ITPR2: variants seen among roughly 807,000 people sequenced by gnomAD.
ITPR2 encodes inositol 1,4,5-trisphosphate-gated calcium channel ITPR2.
ITPR2 carries 207 observed loss-of-function variants against 317.1 expected under a neutral mutation model. The ratio of observed to expected loss-of-function variants is 0.65; its 90% confidence interval spans 0.58 to 0.73. ITPR2 has a LOEUF of 0.73. Ranked by LOEUF, ITPR2 falls within the 30% of genes least tolerant of loss-of-function variation. The pLI is 0.00. For synonymous variants in ITPR2, 1,156 were observed against 1,149.1 expected (o/e 1.01, Z -0.12); for missense variants, 2,613 against 3,284.0 (o/e 0.80, Z 4.99).
intron 48 of ITPR2, among the ~76,000 whole-genome samples, chr12:26,435,521 A>G (rs138875727): frequency 3.9e-5 from 6 of 152,190 alleles, no homozygotes; most frequent in Non-Finnish European, 7.4e-5. Flanking sequence ...CCAAGCCTGT[A>G]ACATACTTCC....
chr12:26,707,395 A>C (rs1467446672), intron 9 of ITPR2, among the ~76,000 whole-genome samples: 1 of 152,214 alleles, frequency 6.6e-6, no homozygotes, highest in Admixed American at 6.5e-5. Context: ...TGTGCCATGG[A>C]GCCTCTATCG....
At chr12:26,648,681 T>C (rs1223866988) in intron 21 of ITPR2, 1 of 152,182 alleles carries the variant, frequency 6.6e-6, no homozygotes, top group Admixed American at 6.5e-5. Flanking sequence ...ATACAGAGTA[T>C]TGTAATGTGG....
chr12:26,765,896 T>C (rs966243604), intron 2 of ITPR2, among the ~76,000 whole-genome samples: 1 of 152,192 alleles, frequency 6.6e-6, no homozygotes, highest in Non-Finnish European at 1.5e-5. Context: ...TCATGCAATA[T>C]GTAGCATTTT....
chr12:26,400,113 T>C lies in ITPR2; in HGVS notation c.7530+15A>G. 3 of 1,586,740 alleles carry C rather than the reference T, an allele frequency of 1.9e-6. No homozygotes were observed. The highest frequency in any genetic ancestry group is 2.6e-6 in the Non-Finnish European group (3 of 1,168,670). Reference sequence around the variant, plus strand: ...AAGATGTGCTCCTTGAAAAAATACTTTTACTCTGGCTTACATCTTTCGATG... The same window carrying C: ...AAGATGTGCTCCTTGAAAAAATACTCTTACTCTGGCTTACATCTTTCGATG... On this transcript the variant is annotated intron_variant, in intron 53 of 56. Coordinates refer to ENST00000381340, the MANE Select transcript of ITPR2 (RefSeq NM_002223.4).
chr12:26,389,609 T>C (rs1939772719), intron 54 of ITPR2, among the ~76,000 whole-genome samples: 1 of 152,144 alleles, frequency 6.6e-6, no homozygotes, highest in African/African-American at 2.4e-5. Flanking sequence ...CCTTCAAATT[T>C]TTGCTGAAAT....
At chr12:26,585,365 G>A (rs760033079) in intron 32 of ITPR2, among the ~76,000 whole-genome samples, 9 of 152,088 alleles carry the variant, frequency 5.9e-5, no homozygotes, top group Admixed American at 3.3e-4. Context: ...TTATTTAACC[G>A]TTTGTCAAAT....
intron 45 of ITPR2, among the ~76,000 whole-genome samples, chr12:26,466,698 C>T (rs4964000): frequency 0.71 from 108,742 of 152,094 alleles, 39,995 homozygotes; most frequent in Non-Finnish European, 0.8. Flanking sequence ...ACAGCCATCA[C>T]ATTTTTATAG....
At chr12:26,640,435 CAT>C (rs1480620280) in intron 21 of ITPR2, among the ~76,000 whole-genome samples, 1 of 151,870 alleles carries the variant, frequency 6.6e-6, no homozygotes, top group Non-Finnish European at 1.5e-5. Context: ...TTGATTCAAA[CAT>C]ATTTGTATAA....
At chr12:26,720,195 T>G (rs916759350) in intron 5 of ITPR2, among the ~76,000 whole-genome samples, 2 of 152,216 alleles carry the variant, frequency 1.3e-5, no homozygotes, top group African/African-American at 4.8e-5. Context: ...TATTACCTTT[T>G]GAAGATAGGG....
chr12:26,516,285 GGGAAAGGAAA>G (rs1230277194), intron 37 of ITPR2, among the ~76,000 whole-genome samples: 1,262 of 42,686 alleles, frequency 0.03, 49 homozygotes, highest in Admixed American at 0.06. Context: ...GGGAAGGGAA[GGGAAAGGAAA>G]GGAAAGGAAA....
intron 9 of ITPR2, among the ~76,000 whole-genome samples, chr12:26,706,736 C>G (rs949513080): frequency 1.3e-5 from 2 of 152,128 alleles, no homozygotes; most frequent in African/African-American, 4.8e-5. Context: ...TCAGTCCCAG[C>G]CTCGAGGTAG....
At chr12:26,698,183 G>T (rs1948385424) in intron 9 of ITPR2, among the ~76,000 whole-genome samples, 1 of 152,134 alleles carries the variant, frequency 6.6e-6, no homozygotes, top group African/African-American at 2.4e-5. Flanking sequence ...TGTATGCAGA[G>T]GTTACTCTAT....
chr12:26,532,177 T>C (rs1943962313), intron 37 of ITPR2, among the ~76,000 whole-genome samples: 1 of 152,212 alleles, frequency 6.6e-6, no homozygotes, highest in South Asian at 2.1e-4. Context: ...GAGGCTTGGC[T>C]ATATCACGAG....
intron 34 of ITPR2, among the ~76,000 whole-genome samples, chr12:26,562,882 GT>G (rs1218175058): frequency 6.6e-6 from 1 of 150,632 alleles, no homozygotes; most frequent in African/African-American, 2.4e-5. Flanking sequence ...AAACCTGCAC[GT>G]TGTGCACATG....
chr12:26,507,857 C>CTCTGTG (rs1326140162), intron 37 of ITPR2, among the ~76,000 whole-genome samples: 17 of 88,250 alleles, frequency 1.9e-4, no homozygotes, highest in African/African-American at 5.4e-4. Context: ...TCTTCTCTCT[C>CTCTGTG]TGTCTCTGTG....
chr12:26,819,641 G>T (rs1187194848), intron 1 of ITPR2, among the ~76,000 whole-genome samples: 1 of 151,868 alleles, frequency 6.6e-6, no homozygotes, highest in African/African-American at 2.4e-5. Flanking sequence ...AAGAGAAAAG[G>T]CCCACCTAAA....
At chr12:26,470,740 A>G (rs1942275238) in intron 45 of ITPR2, among the ~76,000 whole-genome samples, 1 of 152,168 alleles carries the variant, frequency 6.6e-6, no homozygotes, top group South Asian at 2.1e-4. Flanking sequence ...GTGGAAAACA[A>G]TTTTACAATA....
chr12:26,827,391 C>T lies in ITPR2; in HGVS notation c.92+5299G>A, dbSNP rs116727422. On this transcript the variant is annotated intron_variant, in intron 1 of 56. Coordinates refer to ENST00000381340, the MANE Select transcript of ITPR2 (RefSeq NM_002223.4). ...TAATGGGGAAAAAAAGGAGAAATGC[C>T]AATCTTTGCAACTAGGGCATTCAAA... 3.8e-3 allele frequency among the ~76,000 whole-genome samples: 577 copies of T among 152,182 alleles called. 4 individuals carry two copies. Among genetic ancestry groups the T allele is most frequent in the African/African-American group, 0.013 (538 of 41,526 alleles).
chr12:26,758,693 C>T (rs890625868), intron 2 of ITPR2, among the ~76,000 whole-genome samples: 1 of 152,188 alleles, frequency 6.6e-6, no homozygotes, highest in African/African-American at 2.4e-5. Context: ...TGTCCATCTC[C>T]AGCAAGGCTG....
Sources: allele counts gnomAD v4.1 joint callset (sites outside exome capture counted in the v4.1 genomes callset), GRCh38; gene constraint gnomAD v4.1.1; transcripts MANE v1.5; gene names NCBI Gene and HGNC (gene_info 2026-07-23, HGNC 2026-07-21).